Variants in ELAVL2 observed in about 807,000 individuals in gnomAD.
ELAVL2 encodes ELAV like RNA binding protein 2, also known as ELAV-like protein 2.
A neutral mutation model predicts 34.6 loss-of-function variants in ELAVL2; 4 were observed. The ratio of observed to expected loss-of-function variants is 0.12; its 90% CI spans 0.06 to 0.26. The LOEUF (loss-of-function observed/expected upper bound fraction) is 0.26, where lower values mean the gene tolerates loss of function less well. ELAVL2 is among the 10% of genes least tolerant of loss of function. The pLI is 1.00. For missense variants in ELAVL2, 432 were observed against 442.8 expected, an observed-to-expected ratio of 0.98 and a Z score of 0.22; for synonymous variants, 193 against 154.8, an observed-to-expected ratio of 1.25 and a Z score of -1.83.
chr9:23,795,433 C>T (rs2060801504), intron 1 of ELAVL2, among the ~76,000 whole-genome samples: 1 of 152,208 alleles, frequency 6.6e-6, no homozygotes, highest in South Asian at 2.1e-4. Flanking sequence ...GTCCCAGCTA[C>T]TCGCGAGGCT....
At chr9:23,739,811 C>T (rs548166222) in intron 2 of ELAVL2, among the ~76,000 whole-genome samples, 83 of 152,136 alleles carry the variant, frequency 5.5e-4, no homozygotes, top group African/African-American at 2.0e-3. Flanking sequence ...ACACCCCCCC[C>T]ACTAAGCAGT....
At chr9:23,703,846 A>AC (rs2038351241) in intron 4 of ELAVL2, among the ~76,000 whole-genome samples, 2 of 152,210 alleles carry the variant, frequency 1.3e-5, no homozygotes, top group Admixed American at 1.3e-4. Context: ...AGTCTATGGT[A>AC]CTACAGCTAA....
chr9:23,831,740 G>A, the ELAVL2 span: 5 of 152,188 alleles, frequency 3.3e-5, no homozygotes, highest in East Asian at 7.7e-4. Flanking sequence ...ATAGACCGCT[G>A]AAGTAAACTG....
chr9:23,771,680 T>C (rs1286274287), intron 1 of ELAVL2, among the ~76,000 whole-genome samples: 1 of 152,182 alleles, frequency 6.6e-6, no homozygotes, highest in African/African-American at 2.4e-5. Flanking sequence ...TTGTAATCTA[T>C]GTGAGCCCCC....
intron 1 of ELAVL2, among the ~76,000 whole-genome samples, chr9:23,795,499 C>A (rs965575216): frequency 2.0e-5 from 3 of 152,066 alleles, no homozygotes; most frequent in Admixed American, 6.5e-5. Context: ...GCCGAGATCA[C>A]GCCACTGCTG....
intron 1 of ELAVL2, among the ~76,000 whole-genome samples, chr9:23,813,943 A>G (rs914127212): frequency 1.3e-5 from 2 of 152,204 alleles, no homozygotes; most frequent in Admixed American, 1.3e-4. Context: ...AGGCCAGGCA[A>G]ACAAACCAAG....
intron 2 of ELAVL2, among the ~76,000 whole-genome samples, chr9:23,744,706 A>C (rs1477515872): frequency 6.6e-6 from 1 of 151,996 alleles, no homozygotes; most frequent in African/African-American, 2.4e-5. Flanking sequence ...AAAGCCTACT[A>C]TACTATTTTG....
chr9:23,760,154 A>G (rs2054621146), intron 2 of ELAVL2, among the ~76,000 whole-genome samples: 1 of 152,112 alleles, frequency 6.6e-6, no homozygotes, highest in Non-Finnish European at 1.5e-5. Context: ...GATTCACAAA[A>G]GAGTAAGATT....
rs1221472482 is a variant in ELAVL2, at chr9:23,819,051, C to T, written c.-16+6755G>A. Among the ~76,000 whole-genome samples the T allele has an allele frequency of 2.0e-5, 3 of 152,154 alleles. No individual in the cohort carries two copies. In the East Asian group the frequency reaches 5.8e-4, roughly 29 times the overall value. On this transcript the variant is annotated intron_variant, in intron 1 of 6. Coordinates refer to ENST00000397312, the MANE Select transcript of ELAVL2 (RefSeq NM_004432.5). Reference sequence around the variant, plus strand: ...CTGTGTCCTTAAAGAGAACCTAAGACTTGCTTCTAGAATAGAAGTGGGGTG... The same window carrying T: ...CTGTGTCCTTAAAGAGAACCTAAGATTTGCTTCTAGAATAGAAGTGGGGTG...
chr9:23,691,457 C>CA lies in ELAVL2; in HGVS notation c.*1099dup, dbSNP rs1164241454. Reference sequence around the variant, plus strand: ...CAAAACAATTCTTCAAACAATACTGCAAGTACATCACTAAACACCATGAGC... The same window carrying CA: ...CAAAACAATTCTTCAAACAATACTGCAAAGTACATCACTAAACACCATGAGC... On this transcript the variant is annotated 3_prime_UTR_variant, in exon 7 of 7. Transcript: ENST00000397312. 6.6e-6 allele frequency: 1 copy of CA among 152,524 alleles called. No individual in the cohort carries two copies. Among genetic ancestry groups the CA allele is most frequent in the East Asian group, 1.9e-4 (1 of 5,196 alleles). The allele number at this position is 152,524 out of a possible 1,614,324, so 9.4% of individuals were successfully genotyped here. A position where few individuals can be genotyped will look rare whatever the true frequency, so the allele number is the denominator to read the frequency against.
the ELAVL2 span, among the ~76,000 whole-genome samples, chr9:23,833,619 GT>G: frequency 6.6e-6 from 1 of 151,484 alleles, no homozygotes; most frequent in African/African-American, 2.4e-5. Flanking sequence ...AAATAATCTT[GT>G]TTTTTTATAA....
chr9:23,798,376 T>G (rs962029637), intron 1 of ELAVL2, among the ~76,000 whole-genome samples: 1 of 152,204 alleles, frequency 6.6e-6, no homozygotes, highest in African/African-American at 2.4e-5. Context: ...CTCTGTCATT[T>G]ACTGCATCTT....
intron 2 of ELAVL2, among the ~76,000 whole-genome samples, chr9:23,749,398 G>C (rs1489315897): frequency 6.6e-6 from 1 of 152,008 alleles, no homozygotes; most frequent in African/African-American, 2.4e-5. Flanking sequence ...ATAGGGTTTT[G>C]TTCTGTAAGC....
intron 1 of ELAVL2, among the ~76,000 whole-genome samples, chr9:23,800,212 C>T (rs55740591): frequency 0.012 from 1,855 of 152,248 alleles, 39 homozygotes; most frequent in African/African-American, 0.042. Context: ...GGTCAGACAT[C>T]GAAGGCTTGG....
intron 1 of ELAVL2, among the ~76,000 whole-genome samples, chr9:23,802,020 C>T (rs1210913487): frequency 1.3e-5 from 2 of 152,044 alleles, no homozygotes; most frequent in East Asian, 1.9e-4. Context: ...TTATCTGTTT[C>T]GTTTTGTTTT....
intron 3 of ELAVL2, among the ~76,000 whole-genome samples, chr9:23,729,928 T>C (rs533274720): frequency 6.6e-6 from 1 of 152,250 alleles, no homozygotes; most frequent in African/African-American, 2.4e-5. Context: ...GCAAGATGGA[T>C]ACTACAGTCA....
the ELAVL2 span, among the ~76,000 whole-genome samples, chr9:23,842,855 T>A: frequency 6.6e-6 from 1 of 152,024 alleles, no homozygotes; most frequent in African/African-American, 2.4e-5. Context: ...ATGAAAACAT[T>A]CCCCCTACTT....
the ELAVL2 span, among the ~76,000 whole-genome samples, chr9:23,833,774 G>T: frequency 2.6e-5 from 4 of 151,802 alleles, no homozygotes; most frequent in Non-Finnish European, 4.4e-5. Flanking sequence ...GTGAGAAATG[G>T]CATATTATAT....
chr9:23,761,289 T>A (rs1448327056), intron 2 of ELAVL2, among the ~76,000 whole-genome samples: 1 of 152,086 alleles, frequency 6.6e-6, no homozygotes, highest in Non-Finnish European at 1.5e-5. Context: ...TTTTTAGTGT[T>A]TGAAAACAAC....
Sources: allele counts gnomAD v4.1 joint callset (sites outside exome capture counted in the v4.1 genomes callset), GRCh38; gene constraint gnomAD v4.1.1; transcripts MANE v1.5; gene names NCBI Gene and HGNC (gene_info 2026-07-23, HGNC 2026-07-21).